Variants in PARD3 observed in about 807,000 individuals in gnomAD.
The protein encoded by PARD3 is partitioning defective 3 homolog.
In PARD3, 75 loss-of-function variants were observed where a neutral mutation model predicts 155.4. The ratio of observed to expected loss-of-function variants is 0.48; its 90% CI spans 0.40 to 0.58. The LOEUF is 0.58. Among genes scored for constraint, PARD3 ranks in the 20% least tolerant of loss-of-function variants. The pLI is 0.00. For missense variants in PARD3, 1,642 were observed against 1,721.7 expected (o/e 0.95, Z 0.82); for synonymous variants, 576 against 610.5 (o/e 0.94, Z 0.83).
At chr10:34,427,314 G>A (rs925270212) in intron 5 of PARD3, among the ~76,000 whole-genome samples, 8 of 152,184 alleles carry the variant, frequency 5.3e-5, no homozygotes, top group Non-Finnish European at 8.8e-5. Context: ...TCTGAGAAAA[G>A]AATGCATTCC....
intron 2 of PARD3, among the ~76,000 whole-genome samples, chr10:34,656,570 C>T (rs1007111979): frequency 6.6e-6 from 1 of 152,188 alleles, no homozygotes; most frequent in Non-Finnish European, 1.5e-5. Flanking sequence ...AAGAACCAAT[C>T]CATCAAAATC....
intron 14 of PARD3, among the ~76,000 whole-genome samples, chr10:34,358,643 T>A (rs1455193426): frequency 6.6e-6 from 1 of 152,130 alleles, no homozygotes; most frequent in African/African-American, 2.4e-5. Flanking sequence ...CAGCGAGCTG[T>A]GACCACAACA....
Position 34,470,104 on chromosome 10 carries a change from G to A in PARD3, c.563C>T (p.Pro188Leu). ...GFLKQNTAGSPKTCDRKKDEN... is the reference protein window; with the variant it reads ...GFLKQNTAGSLKTCDRKKDEN... The stretch of plus-strand genomic sequence containing the variant: ...GGTTACCTTCCTGTCGCAGGTTTTA[G>A]GACTCCCAGCAGTGTTCTGCTTGAG... Residue 188 changes from proline to leucine, a missense_variant, in exon 4 of 25, where the codon CCT becomes CTT. Pro to Leu is a moderately conservative substitution (Grantham distance 98). Around this residue, in one of 3 missense-constraint regions of PARD3, gnomAD observed 1,529 missense variants for 1,587.3 expected, o/e 0.96. Transcript: ENST00000374788. 6.2e-7 allele frequency: 1 copy of A among 1,607,038 alleles called. No homozygotes were observed.
At chr10:34,742,531 G>A (rs1481978630) in intron 1 of PARD3, among the ~76,000 whole-genome samples, 2 of 152,100 alleles carry the variant, frequency 1.3e-5, no homozygotes, top group African/African-American at 4.8e-5. Context: ...CAGTTTCCGT[G>A]TTCATTAAGT....
At chr10:34,200,758 A>G (rs1951173103) in intron 22 of PARD3, among the ~76,000 whole-genome samples, 1 of 152,232 alleles carries the variant, frequency 6.6e-6, no homozygotes. Context: ...TCTCCACTCT[A>G]GGGATATTGC....
intron 16 of PARD3, among the ~76,000 whole-genome samples, chr10:34,340,838 A>G (rs932791313): frequency 1.3e-5 from 2 of 152,210 alleles, no homozygotes; most frequent in Non-Finnish European, 2.9e-5. Context: ...GAACAACACC[A>G]TAACATTTAA....
intron 20 of PARD3, among the ~76,000 whole-genome samples, chr10:34,304,704 T>C (rs1340393308): frequency 6.6e-6 from 1 of 152,210 alleles, no homozygotes; most frequent in East Asian, 1.9e-4. Context: ...ACCTTTATGT[T>C]TTAGTTTCTT....
At chr10:34,310,584 G>A (rs1230966981) in intron 20 of PARD3, among the ~76,000 whole-genome samples, 2 of 152,190 alleles carry the variant, frequency 1.3e-5, no homozygotes, top group Non-Finnish European at 1.5e-5. Context: ...CATGCTTTGT[G>A]CCTCCTCAGC....
chr10:34,299,806 T>A (rs1334098123), intron 20 of PARD3, among the ~76,000 whole-genome samples: 1 of 152,254 alleles, frequency 6.6e-6, no homozygotes, highest in Non-Finnish European at 1.5e-5. Flanking sequence ...ATTTAAAGAC[T>A]GTAATGGTAT....
chr10:34,406,281 T>C (rs957702026), intron 5 of PARD3, among the ~76,000 whole-genome samples: 1 of 152,350 alleles, frequency 6.6e-6, no homozygotes, highest in Middle Eastern at 3.4e-3. Flanking sequence ...AAAAGAAATT[T>C]TGAGACTTGC....
At chr10:34,343,609 T>C (rs1289316402) in intron 15 of PARD3, 1 of 985,286 alleles carries the variant, frequency 1.0e-6, no homozygotes, top group East Asian at 1.1e-4. Context: ...TTTTGGGTTA[T>C]GGCTCCAAGA....
At chr10:34,759,184 CT>C (rs535466956) in intron 1 of PARD3, among the ~76,000 whole-genome samples, 26 of 149,356 alleles carry the variant, frequency 1.7e-4, no homozygotes, top group Middle Eastern at 3.4e-3. Context: ...ATATGAAGCA[CT>C]TTTTTTTTTC....
intron 9 of PARD3, among the ~76,000 whole-genome samples, chr10:34,380,518 C>T (rs188973899): frequency 6.6e-6 from 1 of 152,242 alleles, no homozygotes; most frequent in Non-Finnish European, 1.5e-5. Flanking sequence ...TTTATCACTT[C>T]AGACTTACTA....
intron 1 of PARD3, among the ~76,000 whole-genome samples, chr10:34,705,405 T>C (rs1467905975): frequency 6.6e-6 from 1 of 152,034 alleles, no homozygotes; most frequent in Non-Finnish European, 1.5e-5. Flanking sequence ...GGAGGATCAC[T>C]TGAGCCCGGG....
chr10:34,640,708 CAAAAAAAAAAAAAAA>C (rs59111039), intron 2 of PARD3, among the ~76,000 whole-genome samples: 5 of 24,020 alleles, frequency 2.1e-4, no homozygotes, highest in Non-Finnish European at 2.4e-4. Context: ...GACTCCATCT[CAAAAAAAAAAAAAAA>C]AAAAAAAAAA....
rs58877037 is a variant in PARD3 at position 34,482,032 on chromosome 10, C to CTTTTTTTTTTTT, written c.404-11781_404-11770dup. ...ACCACTGTGCCCTGCTAATTTTTATCTTTTTTTTTTTTTTTTTTTTGAAGC... is the reference window on the plus strand; with the variant it reads ...ACCACTGTGCCCTGCTAATTTTTATCTTTTTTTTTTTTTTTTTTTTTTTTTTTTTTTTGAAGC... On this transcript the variant is annotated intron_variant, in intron 3 of 24. Coordinates refer to ENST00000374788, the MANE Select transcript of PARD3 (RefSeq NM_001184785.2). 3.1e-4 allele frequency among the ~76,000 whole-genome samples: 31 copies of CTTTTTTTTTTTT among 101,578 alleles called. 3 individuals are homozygous for CTTTTTTTTTTTT. Among genetic ancestry groups the CTTTTTTTTTTTT allele is most frequent in the African/African-American group, 1.5e-3 (31 of 20,438 alleles). The allele number at this position is 101,578 out of a possible 152,430, so 66.6% of individuals were successfully genotyped here.
chr10:34,610,995 A>G lies in PARD3; in HGVS notation c.222+85323T>C, dbSNP rs114668853. On this transcript the variant is annotated intron_variant, in intron 2 of 24. Transcript: ENST00000374788. ...CATTCATGCAATGACAGAAAAAGTAAGTTGCTTTCTTTTCCTTTTTAAAAA... is the reference window on the plus strand; with the variant it reads ...CATTCATGCAATGACAGAAAAAGTAGGTTGCTTTCTTTTCCTTTTTAAAAA... Among the ~76,000 whole-genome samples the G allele has an allele frequency of 1.3e-3, 201 of 152,256 alleles. 1 individual carries two copies. Among genetic ancestry groups the G allele is most frequent in the African/African-American group, 4.5e-3 (186 of 41,532 alleles).
At chr10:34,446,626 T>TA (rs1358046768) in intron 5 of PARD3, among the ~76,000 whole-genome samples, 1 of 152,252 alleles carries the variant, frequency 6.6e-6, no homozygotes, top group Non-Finnish European at 1.5e-5. Context: ...TCAATTAGTT[T>TA]AAAAATCCGA....
At chr10:34,159,799 G>A (rs562107111) in intron 22 of PARD3, among the ~76,000 whole-genome samples, 131 of 152,356 alleles carry the variant, frequency 8.6e-4, no homozygotes, top group Non-Finnish European at 1.6e-3. Context: ...ATGAGGTTAA[G>A]AGAGAGAAAT....
Sources: gnomAD v4.1 joint callset for allele counts (sites outside exome capture counted in the v4.1 genomes callset) on GRCh38, gnomAD v4.1.1 for gene constraint, gnomAD v4.1.1 regional missense constraint, MANE v1.5 for transcripts, NCBI Gene and HGNC (gene_info 2026-07-23, HGNC 2026-07-21) for gene names.